Variants in DIPK1C observed in about 807,000 individuals in gnomAD.
DIPK1C encodes the protein divergent protein kinase domain 1C.
Under a neutral mutation model 28.0 loss-of-function variants are expected in DIPK1C, and 33 were observed. The ratio of observed to expected loss-of-function variants is 1.18; its 90% confidence interval spans 0.89 to 1.58. The LOEUF (loss-of-function observed/expected upper bound fraction) is 1.58, where lower values mean the gene tolerates loss of function less well. Among genes scored for constraint, DIPK1C ranks in the 40% most tolerant of loss-of-function variants. DIPK1C has a pLI of 0.00. For synonymous variants in DIPK1C, 255 were observed against 248.8 expected (o/e 1.02, Z -0.23); for missense variants, 569 against 568.5 (o/e 1.00, Z -0.01).
Position 74,449,282 on chromosome 18 carries a change from A to G in DIPK1C, c.199-1999T>C, listed in dbSNP as rs148281955. On this transcript the variant is annotated intron_variant, in intron 1 of 3. Coordinates refer to ENST00000343998, the MANE Select transcript of DIPK1C (RefSeq NM_001044369.3). ...TTGCTGTAGAATTATTAACTTGATT[A>G]CTGGCACTGCCCCATAAGCAAAATA... 3.9e-3 allele frequency among the ~76,000 whole-genome samples: 592 copies of G among 152,328 alleles called. 2 individuals are homozygous for G. The highest frequency in any genetic ancestry group is 0.013 in the African/African-American group (556 of 41,560).
intron 1 of DIPK1C, among the ~76,000 whole-genome samples, chr18:74,456,033 T>C (rs1205162960): frequency 2.0e-5 from 3 of 152,234 alleles, no homozygotes; most frequent in Non-Finnish European, 4.4e-5. Flanking sequence ...TGTAAGCAAC[T>C]GGACTGAAAA....
intron 1 of DIPK1C, among the ~76,000 whole-genome samples, chr18:74,455,868 G>C (rs1022315538): frequency 2.0e-5 from 3 of 152,062 alleles, no homozygotes; most frequent in Admixed American, 6.6e-5. Context: ...ACGATGACAC[G>C]CGTCAGAATC....
intron 2 of DIPK1C, among the ~76,000 whole-genome samples, chr18:74,445,218 G>A (rs756500069): frequency 5.9e-5 from 9 of 152,106 alleles, no homozygotes; most frequent in Admixed American, 3.3e-4. Context: ...GCTGTGGGTC[G>A]TTTCCCCCCA....
upstream of DIPK1C, among the ~76,000 whole-genome samples, chr18:74,462,285 A>G (rs78169741): frequency 0.027 from 4,085 of 152,298 alleles, 79 homozygotes; most frequent in East Asian, 0.06. Context: ...ACTGCTAATC[A>G]GTCTCTACAG....
intron 1 of DIPK1C, among the ~76,000 whole-genome samples, chr18:74,455,893 C>A (rs1177547116): frequency 6.6e-6 from 1 of 152,114 alleles, no homozygotes; most frequent in African/African-American, 2.4e-5. Context: ...AGGAGCATAA[C>A]TTGTCTTAGC....
intron 3 of DIPK1C, among the ~76,000 whole-genome samples, chr18:74,441,333 C>T (rs1281427600): frequency 2.0e-5 from 3 of 152,168 alleles, no homozygotes; most frequent in Non-Finnish European, 4.4e-5. Context: ...GATGCATCCT[C>T]CCTCACCTGA....
chr18:74,452,575 C>T (rs987190251), intron 1 of DIPK1C, among the ~76,000 whole-genome samples: 1 of 151,540 alleles, frequency 6.6e-6, no homozygotes, highest in Non-Finnish European at 1.5e-5. Context: ...TGGCAAGACC[C>T]CTGTCTCTAC....
chr18:74,457,250 C>A lies in DIPK1C; in HGVS notation c.10G>T (p.Ala4Ser). The change falls in exon 1 of 4, where the codon GCG becomes TCG. Residue 4 changes from alanine (A) to serine (S), a missense_variant. Ala to Ser is a moderately conservative substitution (Grantham distance 99). Coordinates refer to ENST00000343998, the MANE Select transcript of DIPK1C (RefSeq NM_001044369.3). MAR[A>S]AGARGPAGWC... The stretch of plus-strand genomic sequence containing the variant: ...CCGGCAGGGCCCCGCGCGCCCGCCG[C>A]CCGCGCCATGGCCAGCCCTGCCCGC... 1 of 1,003,918 alleles carries A rather than the reference C, an allele frequency of 1.0e-6. No individual in the cohort carries two copies. The highest frequency in any genetic ancestry group is 1.2e-6 in the Non-Finnish European group (1 of 843,820). 62.2% of individuals were successfully genotyped at this position (1,003,918 alleles called of 1,614,324 possible).
In DIPK1C at chr18:74,446,679, T is replaced by C; in HGVS notation, c.803A>G (p.Asp268Gly). Residue 268 changes from aspartate (D) to glycine (G), a missense_variant, in exon 2 of 4, where the codon GAC becomes GGC. By Grantham distance (94) the Asp-to-Gly change is moderately conservative. Coordinates refer to ENST00000343998, the MANE Select transcript of DIPK1C (RefSeq NM_001044369.3). Reference protein sequence around the residue: ...LSFLDMVNHFDSDFSHRLHLC... With the variant: ...LSFLDMVNHFGSDFSHRLHLC... ...GTGGAGGCGGTGGGAAAAGTCACTG[T>C]CAAAATGGTTCACCATGTCCAAGAA... 6.5e-7 allele frequency: 1 copy of C among 1,527,274 alleles called. No individual in the cohort carries two copies. Among genetic ancestry groups the C allele is most frequent in the East Asian group, 2.5e-5 (1 of 40,410 alleles). The allele number at this position is 1,527,274 out of a possible 1,614,324, so 94.6% of individuals were successfully genotyped here.
chr18:74,457,346 C>G (rs539884936), upstream of DIPK1C: 1 of 938,394 alleles, frequency 1.1e-6, no homozygotes, highest in Admixed American at 6.2e-5. Context: ...CAGGCCCGCT[C>G]GGCGGGGAGG....
In DIPK1C at chr18:74,446,607, G is replaced by A; in HGVS notation, c.875C>T (p.Thr292Ile). ...PENFAIRSDF[T>I]VVAIDVDMAF... ...AACACACCGACCTGCGCCACTTACT[G>A]TGAAGTCGCTCCGGATGGCAAAGTT... The change falls in exon 2 of 4, where the codon ACA (threonine) becomes ATA (isoleucine). Residue 292 changes from threonine (T) to isoleucine (I), a missense_variant and splice_region_variant. By Grantham distance (89) the Thr-to-Ile change is moderately conservative. Coordinates refer to ENST00000343998, the MANE Select transcript of DIPK1C (RefSeq NM_001044369.3). 2 of 1,455,688 alleles carry A rather than the reference G, an allele frequency of 1.4e-6. No homozygotes were observed. Among genetic ancestry groups the A allele is most frequent in the South Asian group, 1.5e-5 (1 of 68,634 alleles). The allele number at this position is 1,455,688 out of a possible 1,614,324, so 90.2% of individuals were successfully genotyped here. A position where few individuals can be genotyped will look rare whatever the true frequency, so the allele number is the denominator to read the frequency against.
intron 1 of DIPK1C, among the ~76,000 whole-genome samples, chr18:74,454,371 T>C (rs28615610): frequency 1.2e-3 from 182 of 152,306 alleles, no homozygotes; most frequent in African/African-American, 4.1e-3. Flanking sequence ...CCCTAAGCTT[T>C]TTCCTCTGAT....
intron 2 of DIPK1C, among the ~76,000 whole-genome samples, chr18:74,445,067 C>G (rs1986228818): frequency 6.6e-6 from 1 of 152,170 alleles, no homozygotes. Context: ...CCTTCTGGGT[C>G]CCACTCATTG....
chr18:74,450,620 A>G (rs897099337), intron 1 of DIPK1C, among the ~76,000 whole-genome samples: 5 of 152,180 alleles, frequency 3.3e-5, no homozygotes, highest in African/African-American at 1.2e-4. Context: ...AACTGTGGCC[A>G]CCATAGCCAC....
At chr18:74,440,929 A>C (rs1050713466) in intron 3 of DIPK1C, among the ~76,000 whole-genome samples, 1 of 152,152 alleles carries the variant, frequency 6.6e-6, no homozygotes, top group Non-Finnish European at 1.5e-5. Flanking sequence ...CTGAAAGGGG[A>C]ATTACTCAGT....
intron 1 of DIPK1C, among the ~76,000 whole-genome samples, chr18:74,449,108 C>CAA (rs113985955): frequency 6.9e-6 from 1 of 145,920 alleles, no homozygotes; most frequent in African/African-American, 2.5e-5. Context: ...GAATCTGTCT[C>CAA]AAAAAAAAAA....
Position 74,436,594 on chromosome 18 carries a change from A to C in DIPK1C, c.1167T>G (p.Ser389Arg). The C allele has an allele frequency of 6.2e-7, 1 of 1,612,978 alleles. No individual in the cohort carries two copies. The highest frequency in any genetic ancestry group is 8.5e-7 in the Non-Finnish European group (1 of 1,179,924). ...VQECADPGVPSGNTRRAASSV... is the reference protein window; with the variant it reads ...VQECADPGVPRGNTRRAASSV... The stretch of plus-strand genomic sequence containing the variant: ...TGGAGGCTGCTCTCCGGGTGTTCCC[A>C]CTGGGGACCCCAGGGTCTGCACATT... The change falls in exon 4 of 4, where the codon AGT (serine) becomes AGG (arginine). Residue 389 changes from serine (S) to arginine (R), a missense_variant. Physicochemically the swap from Ser to Arg is moderately radical, Grantham distance 110. Coordinates refer to ENST00000343998, the MANE Select transcript of DIPK1C (RefSeq NM_001044369.3).
Position 74,457,069 on chromosome 18 carries a change from G to T in DIPK1C, c.191C>A (p.Ala64Asp), listed in dbSNP as rs867126223. ...AGCGGCGGCGGGACCTACCAGCGCG[G>T]CCAGGATGCGCCGGCTCTTCTCGTC... ...CTDEKSRRIL[A>D]ALCQDYQGGT... The change falls in exon 1 of 4, where the codon GCC becomes GAC. Residue 64 changes from alanine to aspartate, a missense_variant. Transcript: ENST00000343998. 35 of 1,461,634 alleles carry T rather than the reference G, an allele frequency of 2.4e-5. No individual in the cohort carries two copies. In the Middle Eastern group the frequency reaches 1.9e-3, roughly 78 times the overall value. The allele number at this position is 1,461,634 out of a possible 1,614,324, so 90.5% of individuals were successfully genotyped here. A position where few individuals can be genotyped will look rare whatever the true frequency, so the allele number is the denominator to read the frequency against.
intron 1 of DIPK1C, among the ~76,000 whole-genome samples, chr18:74,451,060 G>C (rs570226802): frequency 6.6e-6 from 1 of 152,214 alleles, no homozygotes; most frequent in Non-Finnish European, 1.5e-5. Context: ...AGGAAAGGGT[G>C]GGGGGCCGGG....
Sources: gnomAD v4.1 joint callset for allele counts (sites outside exome capture counted in the v4.1 genomes callset) on GRCh38, gnomAD v4.1.1 for gene constraint, MANE v1.5 for transcripts, NCBI Gene and HGNC (gene_info 2026-07-23, HGNC 2026-07-21) for gene names.